The following TRIM55 variants were observed in gnomAD, a reference collection of about 807,000 sequenced individuals.
The protein encoded by TRIM55 is tripartite motif-containing protein 55.
A neutral mutation model predicts 60.9 loss-of-function variants in TRIM55; 50 were observed. The ratio of observed to expected loss-of-function variants is 0.82; its 90% CI spans 0.65 to 1.04. The LOEUF (loss-of-function observed/expected upper bound fraction) is 1.04, where lower values mean the gene tolerates loss of function less well. Ranked by LOEUF, TRIM55 falls within the 50% of genes least tolerant of loss-of-function variation. The pLI, the probability that TRIM55 is intolerant of heterozygous loss-of-function variation, is 0.00. For missense variants in TRIM55, 681 were observed against 666.9 expected, an observed-to-expected ratio of 1.02 and a Z score of -0.23; for synonymous variants, 237 against 238.1, an observed-to-expected ratio of 1.00 and a Z score of 0.04.
At chr8:66,138,714 G>A (rs577202873) in intron 4 of TRIM55, among the ~76,000 whole-genome samples, 4 of 152,272 alleles carry the variant, frequency 2.6e-5, no homozygotes, top group South Asian at 2.1e-4. Flanking sequence ...AGATCCATTC[G>A]TGTTGCTACA....
At chr8:66,141,281 TGCTGTGG>T (rs1809801498) in intron 4 of TRIM55, among the ~76,000 whole-genome samples, 1 of 152,230 alleles carries the variant, frequency 6.6e-6, no homozygotes, top group Non-Finnish European at 1.5e-5. Context: ...TTTCCTTCCA[TGCTGTGG>T]GCTGATGGTG....
intron 2 of TRIM55, among the ~76,000 whole-genome samples, chr8:66,132,188 C>T (rs898805840): frequency 3.9e-4 from 60 of 152,152 alleles, no homozygotes; most frequent in African/African-American, 1.3e-3. Context: ...CAGTGGCTCA[C>T]GCCTATAATC....
intron 9 of TRIM55, among the ~76,000 whole-genome samples, chr8:66,157,269 C>T (rs1446329537): frequency 6.6e-6 from 1 of 152,112 alleles, no homozygotes; most frequent in Non-Finnish European, 1.5e-5. Context: ...TGCAAAAAAC[C>T]TTACTGTATA....
chr8:66,167,417 T>C (rs188357202), intron 9 of TRIM55, among the ~76,000 whole-genome samples: 6 of 152,294 alleles, frequency 3.9e-5, no homozygotes, highest in African/African-American at 1.2e-4. Flanking sequence ...CACAAAATTG[T>C]CAGCTCCATA....
chr8:66,114,289 T>TC, the TRIM55 span, among the ~76,000 whole-genome samples: 1 of 152,134 alleles, frequency 6.6e-6, no homozygotes, highest in Non-Finnish European at 1.5e-5. Context: ...GTACGGTTTT[T>TC]CTTTCGATTC....
At chr8:66,133,928 TACACAAACACACACACAC>T (rs1165157794) in intron 2 of TRIM55, among the ~76,000 whole-genome samples, 1 of 151,998 alleles carries the variant, frequency 6.6e-6, no homozygotes, top group African/African-American at 2.4e-5. Context: ...TATACACACA[TACACAAACACACACACAC>T]ACACAAACAC....
rs369262001 is a variant in TRIM55, at chr8:66,149,765, G to C, written c.724G>C (p.Glu242Gln). The C allele has an allele frequency of 6.2e-7, 1 of 1,614,174 alleles. No homozygotes were observed. Among genetic ancestry groups the C allele is most frequent in the Non-Finnish European group, 8.5e-7 (1 of 1,180,020 alleles). ...VITRTQEEKLEHVRALIKKYS... is the reference protein window; with the variant it reads ...VITRTQEEKLQHVRALIKKYS... ...TACCCGAACCCAAGAGGAGAAACTG[G>C]AACATGTCCGTGCTCTGATCAAAAA... Residue 242 changes from glutamate (E) to glutamine (Q), a missense_variant, in exon 5 of 10, where the codon GAA (glutamate) becomes CAA (glutamine). Transcript: ENST00000315962.
intron 9 of TRIM55, among the ~76,000 whole-genome samples, chr8:66,165,312 C>T (rs1302725182): frequency 6.6e-6 from 1 of 152,072 alleles, no homozygotes; most frequent in South Asian, 2.1e-4. Flanking sequence ...ATTTCAAGTG[C>T]AAACGTCCAC....
At chr8:66,118,772 T>C in the TRIM55 span, among the ~76,000 whole-genome samples, 1 of 152,200 alleles carries the variant, frequency 6.6e-6, no homozygotes, top group Non-Finnish European at 1.5e-5. Context: ...GCAGGACTGA[T>C]AACAGAGCCT....
the TRIM55 span, among the ~76,000 whole-genome samples, chr8:66,117,770 A>G: frequency 6.6e-6 from 1 of 152,202 alleles, no homozygotes; most frequent in Non-Finnish European, 1.5e-5. Context: ...GGGTTCAGAC[A>G]TGGGCCATTG....
chr8:66,137,106 T>G lies in TRIM55; in HGVS notation c.519T>G (p.Ser173Arg). The G allele has an allele frequency of 6.2e-7, 1 of 1,613,894 alleles. No individual in the cohort carries two copies. The highest frequency in any genetic ancestry group is 8.5e-7 in the Non-Finnish European group (1 of 1,179,830). Residue 173 changes from serine to arginine, a missense_variant, in exon 4 of 10, where the codon AGT becomes AGG. Physicochemically the swap from Ser to Arg is moderately radical, Grantham distance 110 (BLOSUM62 -1). Coordinates refer to ENST00000315962, the MANE Select transcript of TRIM55 (RefSeq NM_184085.2). The stretch of plus-strand genomic sequence containing the variant: ...TTTCTCTTCATTAGTCTGAGCTCAG[T>G]GATGGCATCGCCATCCTCGTGGGCA... ...HVFQRQKSEL[S>R]DGIAILVGSN...
At chr8:66,148,286 A>C (rs2884229) in intron 4 of TRIM55, among the ~76,000 whole-genome samples, 1,893 of 152,340 alleles carry the variant, frequency 0.012, 38 homozygotes, top group African/African-American at 0.042. Context: ...TACTGGAGAT[A>C]CTTCAGCCAC....
upstream of TRIM55, among the ~76,000 whole-genome samples, chr8:66,122,782 C>CA (rs1173140042): frequency 2.6e-5 from 4 of 152,150 alleles, no homozygotes; most frequent in Admixed American, 2.6e-4. Context: ...AACACTAAAA[C>CA]AGAGATCTTA....
rs893713480 is a variant in TRIM55, at chr8:66,154,154, C to T, written c.1344C>T (p.Gly448=). The change falls in exon 9 of 10, where the codon GGC becomes GGT. Residue 448 remains glycine (G), a synonymous_variant. Coordinates refer to ENST00000315962, the MANE Select transcript of TRIM55 (RefSeq NM_184085.2). ...TGTTTTACCCTAGTTGGTATAAAGG[C>T]CAAACCCGGAAAGCCACCACCAACC... ...DPLFYPSWYK[G]QTRKATTNPP... is the part of the protein sequence containing the mutation. 2.5e-6 allele frequency: 4 copies of T among 1,613,968 alleles called. No individual in the cohort carries two copies. Among genetic ancestry groups the T allele is most frequent in the Non-Finnish European group, 3.4e-6 (4 of 1,180,020 alleles).
chr8:66,143,268 T>C (rs1015575337), intron 4 of TRIM55, among the ~76,000 whole-genome samples: 2 of 152,196 alleles, frequency 1.3e-5, no homozygotes, highest in Non-Finnish European at 2.9e-5. Flanking sequence ...TTTTTTCCTA[T>C]TGTGGCCATG....
At chr8:66,116,448 A>AGTCT in the TRIM55 span, among the ~76,000 whole-genome samples, 3 of 152,048 alleles carry the variant, frequency 2.0e-5, no homozygotes, top group South Asian at 6.2e-4. Context: ...CTCTACAAAA[A>AGTCT]ATACAAAAAG....
chr8:66,121,391 G>C, the TRIM55 span, among the ~76,000 whole-genome samples: 7 of 152,234 alleles, frequency 4.6e-5, no homozygotes, highest in Non-Finnish European at 5.9e-5. Flanking sequence ...TGGTAAGAGT[G>C]GGGGTGGAAG....
At chr8:66,144,226 C>T (rs1001779333) in intron 4 of TRIM55, among the ~76,000 whole-genome samples, 37 of 152,052 alleles carry the variant, frequency 2.4e-4, no homozygotes, top group Non-Finnish European at 4.7e-4. Flanking sequence ...TCTTTACATC[C>T]AGAAATGTTG....
At chr8:66,149,592 C>A in intron 4 of TRIM55, 53 bp from the exon 5 acceptor site, 1 of 1,415,110 alleles carries the variant, frequency 7.1e-7, no homozygotes, top group South Asian at 1.2e-5. Context: ...GGTGATTTCT[C>A]CAAATCGACT....
Sources: allele counts gnomAD v4.1 joint callset (sites outside exome capture counted in the v4.1 genomes callset), GRCh38; gene constraint gnomAD v4.1.1; transcripts MANE v1.5; gene names NCBI Gene and HGNC (gene_info 2026-07-23, HGNC 2026-07-21).